Variants in UTY observed in about 807,000 individuals in gnomAD.
The protein encoded by UTY is histone demethylase UTY.
A neutral mutation model predicts 32.5 loss-of-function variants in UTY; 12 were observed. The observed-to-expected ratio is 0.37, with a 90% CI of 0.24 to 0.60. The LOEUF (loss-of-function observed/expected upper bound fraction) is 0.60, where lower values mean the gene tolerates loss of function less well. Ranked by LOEUF, UTY falls within the 20% of genes least tolerant of loss-of-function variation. The probability of loss-of-function intolerance (pLI) is 0.69; values close to 1 mark genes in which losing one functional copy is unlikely to be tolerated. For synonymous variants in UTY, 131 were observed against 103.4 expected (o/e 1.27, Z -1.62); for missense variants, 303 against 299.2 (o/e 1.01, Z -0.09).
intron 17 of UTY, among the ~76,000 whole-genome samples, chrY:13,344,064 G>A (rs2061718601): frequency 1.2e-4 from 4 of 33,393 alleles, no homozygotes; most frequent in African/African-American, 3.5e-4. Flanking sequence ...AGCCAAAAGA[G>A]TTGCAATGAT....
rs757518289 is a variant in UTY, at chrY:13,479,638, T to C, written c.28A>G (p.Thr10Ala). The change falls in exon 1 of 30, where the codon ACC becomes GCC. Residue 10 changes from threonine (T) to alanine (A), a missense_variant. Physicochemically the swap from Thr to Ala is moderately conservative, Grantham distance 58. Transcript: ENST00000545955. ...TCATCACCGAAGGCAACAGCGGCGG[T>C]AGTGAGCGACACTGCGCAGGATTTC... MKSCAVSLTTAAVAFGDEAK... is the reference protein window; with the variant it reads MKSCAVSLTAAAVAFGDEAK... 2.5e-6 allele frequency: 1 copy of C among 395,706 alleles called. No individual in the cohort carries two copies. Among genetic ancestry groups the C allele is most frequent in the South Asian group, 3.0e-5 (1 of 33,269 alleles).
chrY:13,265,994 G>GT (rs2055748470), intron 27 of UTY, among the ~76,000 whole-genome samples: 1 of 33,411 alleles, frequency 3.0e-5, no homozygotes, highest in Non-Finnish European at 7.4e-5. Context: ...ATAATCATGT[G>GT]TTTTTTGTCA....
intron 8 of UTY, among the ~76,000 whole-genome samples, chrY:13,392,264 C>T (rs2067640006): frequency 6.1e-5 from 2 of 32,902 alleles, no homozygotes; most frequent in African/African-American, 2.4e-4. Context: ...AAAGACATAC[C>T]CAAAACGTGG....
chrY:13,314,153 A>T (rs760245706), intron 21 of UTY, among the ~76,000 whole-genome samples: 1 of 33,783 alleles, frequency 3.0e-5, no homozygotes, highest in African/African-American at 1.2e-4. Flanking sequence ...AAAATAGAAG[A>T]TGTATTTTAC....
chrY:13,467,679 G>A, intron 3 of UTY, among the ~76,000 whole-genome samples: 2 of 31,428 alleles, frequency 6.4e-5, no homozygotes, highest in Non-Finnish European at 1.5e-4. Flanking sequence ...ACTGAGGCAT[G>A]AGAATCACTT....
Position 13,353,756 on chromosome Y carries a change from T to G in UTY, c.2061+1247A>C, listed in dbSNP as rs754183421. On this transcript the variant is annotated intron_variant, in intron 17 of 29. Transcript: ENST00000545955. ...AATCCTCATGGATGACTTTGAGGTGTTCAAGACTTCAGTTGAGGAAGGAAC... is the reference window on the plus strand; with the variant it reads ...AATCCTCATGGATGACTTTGAGGTGGTCAAGACTTCAGTTGAGGAAGGAAC... 1.2e-4 allele frequency among the ~76,000 whole-genome samples: 4 copies of G among 33,877 alleles called. No individual in the cohort carries two copies. The East Asian group carries it at 3.2e-3, about 27-fold the overall frequency. The allele number at this position is 33,877 out of a possible 37,273, so 90.9% of individuals were successfully genotyped here.
downstream of UTY, among the ~76,000 whole-genome samples, chrY:13,244,736 T>C (rs2053932105): frequency 3.0e-5 from 1 of 33,493 alleles, no homozygotes; most frequent in African/African-American, 1.2e-4. Context: ...TTTATGTAGA[T>C]ATGTATTCTA....
At chrY:13,258,785 G>C in intron 28 of UTY, among the ~76,000 whole-genome samples, 2 of 33,871 alleles carry the variant, frequency 5.9e-5, no homozygotes. Context: ...CCTGACTCCT[G>C]CGAGAAATAG....
At chrY:13,387,562 C>A (rs2067003536) in intron 8 of UTY, among the ~76,000 whole-genome samples, 1 of 33,618 alleles carries the variant, frequency 3.0e-5, no homozygotes, top group Non-Finnish European at 7.4e-5. Flanking sequence ...GCAATCCCAG[C>A]ATTTTGAGAA....
At chrY:13,478,433 T>C in intron 2 of UTY, among the ~76,000 whole-genome samples, 1 of 33,308 alleles carries the variant, frequency 3.0e-5, no homozygotes, top group African/African-American at 1.2e-4. Flanking sequence ...TAAATAATAA[T>C]AATTTTTAAT....
intron 2 of UTY, among the ~76,000 whole-genome samples, chrY:13,475,313 A>T: frequency 2.9e-5 from 1 of 34,217 alleles, no homozygotes; most frequent in South Asian, 6.4e-4. Context: ...TAAGCCAATC[A>T]TGTGAAGATT....
intron 10 of UTY, among the ~76,000 whole-genome samples, chrY:13,365,682 T>C: frequency 3.1e-5 from 1 of 32,145 alleles, no homozygotes; most frequent in Admixed American, 2.9e-4. Flanking sequence ...ATTACGATTA[T>C]AACAGCAGTA....
At chrY:13,259,375 C>T in intron 28 of UTY, among the ~76,000 whole-genome samples, 1 of 33,859 alleles carries the variant, frequency 3.0e-5, no homozygotes, top group Non-Finnish European at 7.3e-5. Flanking sequence ...AATCAACCAC[C>T]GTTTTTTCTG....
chrY:13,275,298 T>G, intron 27 of UTY, among the ~76,000 whole-genome samples: 1 of 33,608 alleles, frequency 3.0e-5, no homozygotes, highest in Non-Finnish European at 7.4e-5. Context: ...AAAACGAGGT[T>G]AGTCAATCTA....
chrY:13,422,673 T>C, intron 4 of UTY, among the ~76,000 whole-genome samples: 1 of 33,489 alleles, frequency 3.0e-5, no homozygotes, highest in African/African-American at 1.2e-4. Flanking sequence ...GCAATATCAA[T>C]GACACAAGAT....
intron 4 of UTY, among the ~76,000 whole-genome samples, chrY:13,439,746 AAAG>A (rs2075003681): frequency 3.0e-5 from 1 of 32,888 alleles, no homozygotes; most frequent in Admixed American, 2.8e-4. Context: ...AGGAGATCTC[AAAG>A]AAGTACGGGA....
At chrY:13,235,163 C>G (rs996424307) in intron 28 of UTY, among the ~76,000 whole-genome samples, 10 of 34,084 alleles carry the variant, frequency 2.9e-4, no homozygotes, top group African/African-American at 1.1e-3. Context: ...AATGCCAAGT[C>G]TTGGCCCCAA....
chrY:13,332,614 G>A, intron 18 of UTY, among the ~76,000 whole-genome samples: 2 of 33,443 alleles, frequency 6.0e-5, no homozygotes, highest in African/African-American at 2.3e-4. Flanking sequence ...AGCTATTTAT[G>A]GCAAACCCAT....
At chrY:13,437,992 T>C in intron 4 of UTY, among the ~76,000 whole-genome samples, 3 of 32,629 alleles carry the variant, frequency 9.2e-5, no homozygotes, top group Non-Finnish European at 2.2e-4. Flanking sequence ...ATATTTAGGT[T>C]TTATAATAAG....
Sources: allele counts gnomAD v4.1 joint callset (sites outside exome capture counted in the v4.1 genomes callset), GRCh38; gene constraint gnomAD v4.1.1; transcripts MANE v1.5; gene names NCBI Gene and HGNC (gene_info 2026-07-23, HGNC 2026-07-21).